The following PRKDC variants were observed in gnomAD, a reference collection of about 807,000 sequenced individuals.
PRKDC encodes the protein DNA-dependent protein kinase catalytic subunit.
In PRKDC, 82 loss-of-function variants were observed where a neutral mutation model predicts 486.9. The observed-to-expected ratio is 0.17, with a 90% CI of 0.14 to 0.20. PRKDC has a LOEUF of 0.20. PRKDC is among the 10% of genes least tolerant of loss of function. The pLI is 1.00. For missense variants in PRKDC, 4,504 were observed against 5,038.2 expected, an observed-to-expected ratio of 0.89 and a Z score of 3.21; for synonymous variants, 1,895 against 1,837.0, an observed-to-expected ratio of 1.03 and a Z score of -0.81.
Position 47,915,323 on chromosome 8 carries a change from T to A in PRKDC, c.2617+5A>T. 1.3e-6 allele frequency: 2 copies of A among 1,491,620 alleles called. No homozygotes were observed. The highest frequency in any genetic ancestry group is 1.8e-6 in the Non-Finnish European group (2 of 1,093,670). The allele number at this position is 1,491,620 out of a possible 1,614,324, so 92.4% of individuals were successfully genotyped here. A position where few individuals can be genotyped will look rare whatever the true frequency, so the allele number is the denominator to read the frequency against. On this transcript the variant is annotated splice_donor_5th_base_variant and intron_variant, in intron 23 of 85. Coordinates refer to ENST00000314191, the MANE Select transcript of PRKDC (RefSeq NM_006904.7). ...CAGAGGTTATTTATTTTAAAAGAAG[T>A]TTACCTGTCAGAAGATTTTTGTTTA...
At chr8:47,866,154 C>T (rs1020996247) in intron 40 of PRKDC, among the ~76,000 whole-genome samples, 24 of 113,558 alleles carry the variant, frequency 2.1e-4, no homozygotes, top group African/African-American at 7.8e-4. Flanking sequence ...GAAACTCCGT[C>T]GCAAAAAAAA....
intron 40 of PRKDC, among the ~76,000 whole-genome samples, chr8:47,869,735 G>A (rs1441135014): frequency 1.3e-5 from 2 of 152,044 alleles, no homozygotes; most frequent in Non-Finnish European, 2.9e-5. Context: ...GCGGGCTTCT[G>A]AGGTCCCCAG....
intron 1 of PRKDC, among the ~76,000 whole-genome samples, chr8:47,957,797 A>C (rs895684196): frequency 6.6e-6 from 1 of 152,174 alleles, no homozygotes; most frequent in Non-Finnish European, 1.5e-5. Context: ...TACAGGCGTG[A>C]GCCACCGCGC....
chr8:47,894,473 A>C (rs1184497134), intron 30 of PRKDC, among the ~76,000 whole-genome samples: 2 of 152,218 alleles, frequency 1.3e-5, no homozygotes, highest in East Asian at 3.8e-4. Context: ...ATCGAGAGAG[A>C]GCAGACAAGG....
In PRKDC at chr8:47,909,751, C is replaced by T. The variant is rs574092325; in HGVS notation, c.2934+2659G>A. ...CTATAGACAGCTGCTCTGGGAGTGT[C>T]TGTCTTATGCAGTTGAGATAAGGAC... On this transcript the variant is annotated intron_variant, in intron 25 of 85. Transcript: ENST00000314191. 5.3e-5 allele frequency among the ~76,000 whole-genome samples: 8 copies of T among 152,314 alleles called. No individual in the cohort carries two copies. In the South Asian group the frequency reaches 1.4e-3, roughly 28 times the overall value.
chr8:47,934,213 T>A, intron 14 of PRKDC, 123 bp from the exon 15 acceptor site: 1 of 1,125,028 alleles, frequency 8.9e-7, no homozygotes, highest in Non-Finnish European at 1.2e-6. Flanking sequence ...ACCATATGAT[T>A]AAGGAAGACA....
intron 19 of PRKDC, among the ~76,000 whole-genome samples, chr8:47,928,563 T>A (rs7833492): frequency 0.07 from 10,541 of 151,272 alleles, 997 homozygotes; most frequent in African/African-American, 0.21. Flanking sequence ...TTATTTATTT[T>A]TTTTTTTGAG....
intron 9 of PRKDC, 33 bp downstream of exon 9, chr8:47,943,820 A>C: frequency 6.6e-7 from 1 of 1,505,864 alleles, no homozygotes; most frequent in Non-Finnish European, 9.0e-7. Context: ...TAGTAATCTA[A>C]AATATTATAC....
rs2087151887 is a variant in PRKDC at position 47,803,462 on chromosome 8, T to C, written c.9766A>G (p.Met3256Val). ...ARKQNNFSLA[M>V]KLLKELHKES... ...TTATGCAGCTCCTTCAGTAGTTTCA[T>C]AGCAAGTGAGAAATTGTTCTGTATG... The change falls in exon 70 of 86, where the codon ATG becomes GTG. Residue 3256 changes from methionine to valine, a missense_variant. Coordinates refer to ENST00000314191, the MANE Select transcript of PRKDC (RefSeq NM_006904.7). 5 of 1,613,954 alleles carry C rather than the reference T, an allele frequency of 3.1e-6. No homozygotes were observed. Among genetic ancestry groups the C allele is most frequent in the South Asian group, 1.1e-5 (1 of 91,086 alleles).
intron 68 of PRKDC, among the ~76,000 whole-genome samples, chr8:47,815,147 A>G (rs2087416614): frequency 6.6e-6 from 1 of 152,210 alleles, no homozygotes; most frequent in African/African-American, 2.4e-5. Context: ...CCCTGTCTCA[A>G]AAAAAAGAAA....
intron 74 of PRKDC, among the ~76,000 whole-genome samples, chr8:47,791,345 C>T (rs1317328250): frequency 2.6e-5 from 4 of 152,024 alleles, no homozygotes; most frequent in Non-Finnish European, 5.9e-5. Flanking sequence ...CATGGTGGCG[C>T]CTGCCTGTAA....
intron 66 of PRKDC, among the ~76,000 whole-genome samples, chr8:47,819,836 C>G (rs796595975): frequency 3.3e-5 from 5 of 152,238 alleles, no homozygotes; most frequent in African/African-American, 1.2e-4. Context: ...GAAGCCAATT[C>G]TTTTTTTGAT....
In PRKDC at chr8:47,919,730, T is replaced by G. The variant is rs1199740777; in HGVS notation, c.2420-1347A>C. Among the ~76,000 whole-genome samples the G allele has an allele frequency of 3.3e-5, 5 of 151,996 alleles. No individual in the cohort carries two copies. In the East Asian group the frequency reaches 9.6e-4, roughly 29 times the overall value. On this transcript the variant is annotated intron_variant, in intron 21 of 85. Coordinates refer to ENST00000314191, the MANE Select transcript of PRKDC (RefSeq NM_006904.7). ...AGAATCCAGTTTTTAGTGGTTTTTT[T>G]TTTTTTTTTTTGAGCTCCAATAAGT...
rs1281201690 is a variant in PRKDC at position 47,935,033 on chromosome 8, A to C, written c.1473T>G (p.Cys491Trp). The C allele has an allele frequency of 6.6e-7, 1 of 1,526,486 alleles. No individual in the cohort carries two copies. Among genetic ancestry groups the C allele is most frequent in the Non-Finnish European group, 8.9e-7 (1 of 1,128,992 alleles). 94.6% of individuals were successfully genotyped at this position (1,526,486 alleles called of 1,614,324 possible). A position where few individuals can be genotyped will look rare whatever the true frequency, so the allele number is the denominator to read the frequency against. The change falls in exon 14 of 86, where the codon TGT (cysteine) becomes TGG (tryptophan). Residue 491 changes from cysteine to tryptophan, a missense_variant. Physicochemically the swap from Cys to Trp is radical, Grantham distance 215. Coordinates refer to ENST00000314191, the MANE Select transcript of PRKDC (RefSeq NM_006904.7). The part of the protein sequence containing the change: ...TVVHQGLIRI[C>W]SKPVVLPKGP... ...CCTTTGGAAGGACCACTGGTTTAGA[A>C]CATATTCTGATTAAACCCTGATGCA...
chr8:47,878,614 C>G (rs1337815930), intron 39 of PRKDC, among the ~76,000 whole-genome samples: 4 of 152,194 alleles, frequency 2.6e-5, no homozygotes, highest in Admixed American at 2.6e-4. Context: ...CATCTTGACT[C>G]TCCCCTTCTC....
intron 27 of PRKDC, among the ~76,000 whole-genome samples, chr8:47,900,848 CA>C (rs754093915): frequency 1.4e-3 from 180 of 124,634 alleles, no homozygotes; most frequent in Middle Eastern, 4.2e-3. Context: ...GACTCCAGCT[CA>C]AAAAAAAAAA....
chr8:47,830,052 A>G (rs1240193306), intron 61 of PRKDC, among the ~76,000 whole-genome samples: 1 of 152,190 alleles, frequency 6.6e-6, no homozygotes, highest in Non-Finnish European at 1.5e-5. Context: ...AGTAACCAAA[A>G]AGCATGGTAC....
chr8:47,885,690 A>C (rs2089311745), intron 36 of PRKDC, among the ~76,000 whole-genome samples: 1 of 152,002 alleles, frequency 6.6e-6, no homozygotes, highest in African/African-American at 2.4e-5. Flanking sequence ...CAGGAGTTCA[A>C]GACCAGCCTG....
chr8:47,832,175 C>T (rs2154499499), intron 59 of PRKDC, among the ~76,000 whole-genome samples: 1 of 152,346 alleles, frequency 6.6e-6, no homozygotes, highest in East Asian at 1.9e-4. Context: ...ACCTTCTGAA[C>T]CCCCGCCCAA....
Sources: allele counts gnomAD v4.1 joint callset (sites outside exome capture counted in the v4.1 genomes callset), GRCh38; gene constraint gnomAD v4.1.1; transcripts MANE v1.5; gene names NCBI Gene and HGNC (gene_info 2026-07-23, HGNC 2026-07-21).